Variants in ARSB observed in about 807,000 individuals in gnomAD.
ARSB encodes arylsulfatase B.
Under a neutral mutation model 50.9 loss-of-function variants are expected in ARSB, and 41 were observed. That is an observed-to-expected ratio of 0.81 (90% confidence interval 0.63 to 1.04). ARSB has a LOEUF of 1.04. Ranked by LOEUF, ARSB falls within the 50% of genes least tolerant of loss-of-function variation. The pLI is 0.00. For synonymous variants in ARSB, 269 were observed against 284.8 expected, an observed-to-expected ratio of 0.94 and a Z score of 0.56; for missense variants, 672 against 693.3, an observed-to-expected ratio of 0.97 and a Z score of 0.35.
intron 6 of ARSB, among the ~76,000 whole-genome samples, chr5:78,798,901 G>A (rs1004156606): frequency 3.3e-5 from 5 of 152,186 alleles, no homozygotes; most frequent in African/African-American, 1.2e-4. Flanking sequence ...ACCCAGGCAT[G>A]TTACACAAAC....
intron 6 of ARSB, among the ~76,000 whole-genome samples, chr5:78,837,617 A>T (rs1745007913): frequency 6.6e-6 from 1 of 152,262 alleles, no homozygotes; most frequent in Non-Finnish European, 1.5e-5. Context: ...GGAGAGAAGT[A>T]AAACACTAAC....
intron 5 of ARSB, among the ~76,000 whole-genome samples, chr5:78,851,771 T>G (rs1304941635): frequency 2.0e-5 from 3 of 152,248 alleles, no homozygotes; most frequent in Non-Finnish European, 1.5e-5. Flanking sequence ...ATATTTAGGA[T>G]AGTTAGCTCT....
At chr5:78,847,153 G>T (rs1581033935) in intron 5 of ARSB, among the ~76,000 whole-genome samples, 1 of 152,014 alleles carries the variant, frequency 6.6e-6, no homozygotes, top group East Asian at 1.9e-4. Context: ...TTTGAGATGG[G>T]GTCTCATTTT....
intron 2 of ARSB, among the ~76,000 whole-genome samples, chr5:78,968,210 G>C (rs1255655613): frequency 6.6e-6 from 1 of 150,508 alleles, no homozygotes; most frequent in Non-Finnish European, 1.5e-5. Context: ...GCCAATGGAA[G>C]AGTCTTCCCC....
intron 4 of ARSB, among the ~76,000 whole-genome samples, chr5:78,920,562 T>C (rs930177799): frequency 6.6e-6 from 1 of 152,108 alleles, no homozygotes. Context: ...CCACAGGCCA[T>C]ACCTGCGGCG....
At chr5:78,820,971 T>A (rs3857404) in intron 6 of ARSB, among the ~76,000 whole-genome samples, 1 of 150,742 alleles carries the variant, frequency 6.6e-6, no homozygotes. Flanking sequence ...TTATATGATA[T>A]TATCTATGTA....
intron 4 of ARSB, among the ~76,000 whole-genome samples, chr5:78,906,632 C>T (rs1337792068): frequency 1.3e-5 from 2 of 152,058 alleles, no homozygotes; most frequent in African/African-American, 2.4e-5. Flanking sequence ...ATCATCCCTG[C>T]TGTTATATTA....
intron 6 of ARSB, among the ~76,000 whole-genome samples, chr5:78,826,203 T>C (rs997074268): frequency 2.6e-5 from 4 of 152,112 alleles, no homozygotes; most frequent in African/African-American, 9.7e-5. Context: ...TGCACCACCA[T>C]GCCTGACTAC....
chr5:78,828,438 A>G (rs1335136222), intron 6 of ARSB, among the ~76,000 whole-genome samples: 1 of 152,094 alleles, frequency 6.6e-6, no homozygotes, highest in Non-Finnish European at 1.5e-5. Context: ...TTTTGCTCAC[A>G]GCCTTTTCTA....
intron 6 of ARSB, among the ~76,000 whole-genome samples, chr5:78,796,964 G>A (rs534116579): frequency 1.4e-5 from 2 of 146,652 alleles, no homozygotes; most frequent in South Asian, 4.3e-4. Flanking sequence ...TGCAAGCTCC[G>A]CCTCCCGGGT....
intron 5 of ARSB, among the ~76,000 whole-genome samples, chr5:78,881,139 T>C (rs779547408): frequency 2.6e-5 from 4 of 151,710 alleles, no homozygotes; most frequent in African/African-American, 7.3e-5. Context: ...AGCTGAGACA[T>C]GAGAACCGCT....
chr5:78,936,460 T>A (rs377348191), intron 4 of ARSB, among the ~76,000 whole-genome samples: 61 of 140,012 alleles, frequency 4.4e-4, no homozygotes, highest in African/African-American at 1.6e-3. Flanking sequence ...GATGATCTTG[T>A]AAGATCCTTA....
chr5:78,787,297 T>C (rs1434974263), intron 6 of ARSB, among the ~76,000 whole-genome samples: 1 of 152,186 alleles, frequency 6.6e-6, no homozygotes, highest in Non-Finnish European at 1.5e-5. Context: ...TTGTCAAGCT[T>C]AGTAGTAACC....
intron 5 of ARSB, among the ~76,000 whole-genome samples, chr5:78,879,878 T>G (rs1287748319): frequency 6.6e-6 from 1 of 152,116 alleles, no homozygotes; most frequent in African/African-American, 2.4e-5. Flanking sequence ...GGGAACAGAA[T>G]GAGAGCGGTT....
intron 3 of ARSB, among the ~76,000 whole-genome samples, chr5:78,961,092 A>G (rs2112502999): frequency 6.6e-6 from 1 of 152,296 alleles, no homozygotes; most frequent in East Asian, 1.9e-4. Flanking sequence ...TAAAATAGGC[A>G]CAATTTTAAG....
chr5:78,796,967 T>A (rs1580977532), intron 6 of ARSB, among the ~76,000 whole-genome samples: 1 of 145,164 alleles, frequency 6.9e-6, no homozygotes, highest in Non-Finnish European at 1.5e-5. Flanking sequence ...AAGCTCCGCC[T>A]CCCGGGTTCA....
intron 4 of ARSB, among the ~76,000 whole-genome samples, chr5:78,954,016 C>T (rs980509163): frequency 2.6e-5 from 4 of 151,712 alleles, no homozygotes; most frequent in African/African-American, 7.3e-5. Flanking sequence ...AATTAACAGA[C>T]ATGGCAGTTA....
At chr5:78,907,750 T>C (rs551903872) in intron 4 of ARSB, among the ~76,000 whole-genome samples, 14 of 152,232 alleles carry the variant, frequency 9.2e-5, no homozygotes, top group Middle Eastern at 3.4e-3. Flanking sequence ...TGTAAGCAAA[T>C]AGCGGCCAAG....
At chr5:78,892,942 C>T (rs1748382328) in intron 4 of ARSB, among the ~76,000 whole-genome samples, 1 of 152,150 alleles carries the variant, frequency 6.6e-6, no homozygotes, top group Non-Finnish European at 1.5e-5. Context: ...GGCAGCCAGG[C>T]ACCAAATAAC....
Sources: allele counts gnomAD v4.1 joint callset (sites outside exome capture counted in the v4.1 genomes callset), GRCh38; gene constraint gnomAD v4.1.1; transcripts MANE v1.5; gene names NCBI Gene and HGNC (gene_info 2026-07-23, HGNC 2026-07-21).